Variants in ARL13B observed in about 807,000 individuals in gnomAD.
ARL13B encodes ADP-ribosylation factor-like protein 13B.
Under a neutral mutation model 56.1 loss-of-function variants are expected in ARL13B, and 36 were observed. The ratio of observed to expected loss-of-function variants is 0.64; its 90% CI spans 0.49 to 0.85. The LOEUF (loss-of-function observed/expected upper bound fraction) is 0.85. Among genes scored for constraint, ARL13B ranks in the 40% least tolerant of loss-of-function variants. The probability of loss-of-function intolerance (pLI) is 0.00; values close to 1 mark genes in which losing one functional copy is unlikely to be tolerated. For synonymous variants in ARL13B, 178 were observed against 171.1 expected, an observed-to-expected ratio of 1.04 and a Z score of -0.32; for missense variants, 519 against 507.1, an observed-to-expected ratio of 1.02 and a Z score of -0.23.
rs766643729 is a variant in ARL13B, at chr3:94,055,163, AT to A, written c.*1901del. On this transcript the variant is annotated 3_prime_UTR_variant, in exon 10 of 10. Transcript: ENST00000394222. ...AAGCATTTTAAAAACATTTTAAAAA[AT>A]GTTTTGTAAATCCAGGTGTATTTTA... 2.7e-6 allele frequency: 1 copy of A among 367,526 alleles called. No individual in the cohort carries two copies. The highest frequency in any genetic ancestry group is 2.1e-5 in the South Asian group (1 of 46,900). The allele number at this position is 367,526 out of a possible 1,614,324, so 22.8% of individuals were successfully genotyped here. A position where few individuals can be genotyped will look rare whatever the true frequency, so the allele number is the denominator to read the frequency against.
intron 2 of ARL13B, among the ~76,000 whole-genome samples, chr3:93,996,998 A>T (rs2075978766): frequency 6.6e-6 from 1 of 152,106 alleles, no homozygotes; most frequent in African/African-American, 2.4e-5. Context: ...TGTGAACTGC[A>T]CATGCAAGAG....
intron 3 of ARL13B, among the ~76,000 whole-genome samples, chr3:94,010,954 G>A (rs2076214626): frequency 6.6e-6 from 1 of 152,004 alleles, no homozygotes; most frequent in Non-Finnish European, 1.5e-5. Flanking sequence ...ACAACAGAGA[G>A]ACGTCTATCA....
At position 94,050,803 on chromosome 3, in the gene ARL13B, AATGTTTTT is replaced by A; in HGVS notation, c.1142-20_1142-13del. 6.2e-7 allele frequency: 1 copy of A among 1,606,552 alleles called. No homozygotes were observed. Among genetic ancestry groups the A allele is most frequent in the Non-Finnish European group, 8.5e-7 (1 of 1,177,182 alleles). On this transcript the variant is annotated splice_polypyrimidine_tract_variant and intron_variant, in intron 8 of 9. Coordinates refer to ENST00000394222, the MANE Select transcript of ARL13B (RefSeq NM_001174150.2). ...AAACCTTGTTTAACAGTGTTTTTTAAATGTTTTTCTTTTTCTTTAGTTGGCTGGGGAAC... is the reference window on the plus strand; with the variant it reads ...AAACCTTGTTTAACAGTGTTTTTTAACTTTTTCTTTAGTTGGCTGGGGAAC...
At chr3:93,999,055 G>A (rs2076011521) in intron 2 of ARL13B, among the ~76,000 whole-genome samples, 1 of 150,380 alleles carries the variant, frequency 6.6e-6, no homozygotes, top group Non-Finnish European at 1.5e-5. Context: ...TTTTATCTAT[G>A]ATGTCACAGT....
intron 2 of ARL13B, among the ~76,000 whole-genome samples, chr3:94,000,279 T>G (rs1012970596): frequency 1.3e-5 from 2 of 152,170 alleles, no homozygotes; most frequent in African/African-American, 4.8e-5. Flanking sequence ...ATCAGGGTTC[T>G]TCTCCTCCAA....
intron 6 of ARL13B, 104 bp downstream of exon 6, chr3:94,040,092 C>A: frequency 1.1e-6 from 1 of 922,368 alleles, no homozygotes. Flanking sequence ...AGATGTGTTT[C>A]TTCTGAGAGA....
chr3:94,004,587 G>A (rs747978478), intron 3 of ARL13B, among the ~76,000 whole-genome samples: 13 of 150,998 alleles, frequency 8.6e-5, no homozygotes, highest in African/African-American at 2.4e-4. Context: ...TGCCCTTGCC[G>A]TCTTGTCCCT....
At position 94,054,552 on chromosome 3, in the gene ARL13B, T is replaced by C. The variant is rs1409970053; in HGVS notation, c.*1289T>C. The C allele has an allele frequency of 5.0e-6, 2 of 397,796 alleles. No individual in the cohort carries two copies. Among genetic ancestry groups the C allele is most frequent in the African/African-American group, 2.1e-5 (1 of 47,620 alleles). The allele number at this position is 397,796 out of a possible 1,614,324, so 24.6% of individuals were successfully genotyped here. A position where few individuals can be genotyped will look rare whatever the true frequency, so the allele number is the denominator to read the frequency against. On this transcript the variant is annotated 3_prime_UTR_variant, in exon 10 of 10. Coordinates refer to ENST00000394222, the MANE Select transcript of ARL13B (RefSeq NM_001174150.2). ...TATACCACCTTGTTAAGATTGGTGC[T>C]TTTGGTAACTTGTACTGACACAACA...
intron 3 of ARL13B, among the ~76,000 whole-genome samples, chr3:94,033,590 T>A (rs2076714088): frequency 6.6e-6 from 1 of 152,166 alleles, no homozygotes; most frequent in African/African-American, 2.4e-5. Flanking sequence ...AAAGTTACTG[T>A]TTCATAAACT....
chr3:94,003,717 A>C lies in ARL13B; in HGVS notation c.189A>C (p.Gly63=), dbSNP rs771093754. ...VGFSKINLRQ[G]KFEVTIFDLG... The stretch of plus-strand genomic sequence containing the variant: ...TTTCAAAAATTAACCTTAGACAAGG[A>C]AAGTTTGAAGTCACCATCTTTGACT... The change falls in exon 3 of 10, where the codon GGA becomes GGC. Residue 63 remains glycine (G), a synonymous_variant. Transcript: ENST00000394222. The C allele has an allele frequency of 3.1e-6, 5 of 1,613,636 alleles. No homozygotes were observed. In the East Asian group the frequency reaches 8.9e-5, roughly 29 times the overall value.
intron 5 of ARL13B, among the ~76,000 whole-genome samples, chr3:94,039,360 C>A (rs1576033760): frequency 6.6e-6 from 1 of 151,878 alleles, no homozygotes; most frequent in East Asian, 1.9e-4. Flanking sequence ...ATTAGCCAGG[C>A]CTGGTGGCGG....
chr3:94,038,649 G>A (rs1410952157), intron 5 of ARL13B, among the ~76,000 whole-genome samples: 5 of 149,238 alleles, frequency 3.4e-5, no homozygotes, highest in African/African-American at 7.4e-5. Context: ...TCAGCCTCCC[G>A]AGTAATGGGG....
intron 3 of ARL13B, among the ~76,000 whole-genome samples, chr3:94,007,457 C>A (rs1419147585): frequency 6.6e-6 from 1 of 152,128 alleles, no homozygotes; most frequent in African/African-American, 2.4e-5. Flanking sequence ...ATACCTAAGA[C>A]TGGGAAGAAA....
chr3:94,016,925 G>A (rs544637842), intron 3 of ARL13B, among the ~76,000 whole-genome samples: 1 of 152,278 alleles, frequency 6.6e-6, no homozygotes, highest in Non-Finnish European at 1.5e-5. Flanking sequence ...GATTACAGGT[G>A]TGAGCCACCG....
intron 3 of ARL13B, among the ~76,000 whole-genome samples, chr3:94,012,185 A>G (rs1190865565): frequency 6.6e-6 from 1 of 152,032 alleles, no homozygotes; most frequent in Non-Finnish European, 1.5e-5. Context: ...TACTTTTCAT[A>G]CCACCTTACA....
chr3:93,990,305 G>A (rs2075849329), intron 1 of ARL13B, among the ~76,000 whole-genome samples: 1 of 152,002 alleles, frequency 6.6e-6, no homozygotes. Flanking sequence ...ACCGTGCCTG[G>A]CCCAGTTTGA....
chr3:94,011,162 A>G (rs962548411), intron 3 of ARL13B, among the ~76,000 whole-genome samples: 2 of 152,122 alleles, frequency 1.3e-5, no homozygotes, highest in African/African-American at 4.8e-5. Flanking sequence ...CATATTTTAC[A>G]TATACAAATT....
At chr3:94,013,928 C>T (rs888958442) in intron 3 of ARL13B, among the ~76,000 whole-genome samples, 2 of 152,166 alleles carry the variant, frequency 1.3e-5, no homozygotes, top group African/African-American at 4.8e-5. Flanking sequence ...GCCTGGGTGA[C>T]AGAGTGAAAC....
At chr3:94,025,709 T>G (rs2107039635) in intron 3 of ARL13B, among the ~76,000 whole-genome samples, 1 of 152,318 alleles carries the variant, frequency 6.6e-6, no homozygotes, top group East Asian at 1.9e-4. Context: ...GTTTGCCCCT[T>G]GTAGCCCAGG....
Sources: allele counts gnomAD v4.1 joint callset (sites outside exome capture counted in the v4.1 genomes callset), GRCh38; gene constraint gnomAD v4.1.1; transcripts MANE v1.5; gene names NCBI Gene and HGNC (gene_info 2026-07-23, HGNC 2026-07-21).